MAP3K7CL: variants seen among roughly 807,000 people sequenced by gnomAD.
MAP3K7CL encodes the protein MAP3K7 C-terminal-like protein.
Under a neutral mutation model 18.6 loss-of-function variants are expected in MAP3K7CL, and 16 were observed. The ratio of observed to expected loss-of-function variants is 0.86; its 90% confidence interval spans 0.58 to 1.31. The LOEUF is 1.31. MAP3K7CL is among the 50% of genes most tolerant of loss of function. The pLI, the probability that MAP3K7CL is intolerant of heterozygous loss-of-function variation, is 0.00. For missense variants in MAP3K7CL, 163 were observed against 174.4 expected (o/e 0.93, Z 0.37); for synonymous variants, 65 against 66.8 (o/e 0.97, Z 0.13).
chr21:29,151,473 C>T (rs1425350042), intron 3 of MAP3K7CL, among the ~76,000 whole-genome samples: 1 of 151,622 alleles, frequency 6.6e-6, no homozygotes, highest in Non-Finnish European at 1.5e-5. Context: ...GACTCCGTCT[C>T]AAAAAAATAA....
At position 29,174,849 on chromosome 21, in the gene MAP3K7CL, A is replaced by G. The variant is rs769612484; in HGVS notation, c.386A>G (p.Glu129Gly). Reference sequence around the variant, plus strand: ...CAGTCTCAATGTGTGGAACAACTGGAGAAACTTCGAATACAGTATCAGAAG... The same window carrying G: ...CAGTCTCAATGTGTGGAACAACTGGGGAAACTTCGAATACAGTATCAGAAG... ...LAQSQCVEQL[E>G]KLRIQYQKRQ... Residue 129 changes from glutamate to glycine, a missense_variant, in exon 5 of 5, where the codon GAG (glutamate) becomes GGG (glycine). Coordinates refer to ENST00000399928, the MANE Select transcript of MAP3K7CL (RefSeq NM_001286620.2). The G allele has an allele frequency of 2.5e-6, 4 of 1,614,040 alleles. No individual in the cohort carries two copies. In the Admixed American group the frequency reaches 6.7e-5, roughly 27 times the overall value.
chr21:29,109,158 G>A (rs976940692), intron 4 of MAP3K7CL: 46 of 1,535,266 alleles, frequency 3.0e-5, no homozygotes, highest in Admixed American at 3.9e-5. Flanking sequence ...CTTCCCTAAC[G>A]CCCTTTCCAC....
At chr21:29,093,147 G>T (rs953742851) in intron 4 of MAP3K7CL, among the ~76,000 whole-genome samples, 76 of 152,066 alleles carry the variant, frequency 5.0e-4, no homozygotes, top group Non-Finnish European at 8.4e-4. Flanking sequence ...CAAGTGATCC[G>T]CCCGCCTCGT....
At chr21:29,140,614 T>TGACAACAAATAGCTTCCC (rs1002751897) in intron 2 of MAP3K7CL, among the ~76,000 whole-genome samples, 18 of 152,196 alleles carry the variant, frequency 1.2e-4, no homozygotes, top group Non-Finnish European at 1.9e-4. Flanking sequence ...CAAAGCTTCT[T>TGACAACAAATAGCTTCCC]GACAACAAAT....
At chr21:29,085,744 G>T (rs763971108), upstream of MAP3K7CL, 25 of 962,916 alleles carry the variant, frequency 2.6e-5, no homozygotes, top group Non-Finnish European at 3.8e-5. Context: ...CAACGGCATG[G>T]TTAGTATGTT....
intron 4 of MAP3K7CL, among the ~76,000 whole-genome samples, chr21:29,122,618 C>CT (rs1185995833): frequency 2.6e-4 from 40 of 152,238 alleles, no homozygotes; most frequent in Admixed American, 2.6e-3. Context: ...AGCCGTCCCT[C>CT]TTAAGTTAAG....
chr21:29,156,461 A>G (rs2087407075), intron 3 of MAP3K7CL, among the ~76,000 whole-genome samples: 1 of 152,202 alleles, frequency 6.6e-6, no homozygotes, highest in Non-Finnish European at 1.5e-5. Context: ...AAGCGTACTG[A>G]CACTCCATTT....
At chr21:29,138,298 A>T (rs1448602342) in intron 2 of MAP3K7CL, among the ~76,000 whole-genome samples, 1 of 152,268 alleles carries the variant, frequency 6.6e-6, no homozygotes, top group Non-Finnish European at 1.5e-5. Flanking sequence ...AGCTAATGAT[A>T]TTAATGATAA....
intron 4 of MAP3K7CL, among the ~76,000 whole-genome samples, chr21:29,161,536 G>T (rs891469027): frequency 2.6e-5 from 4 of 151,896 alleles, no homozygotes; most frequent in African/African-American, 9.7e-5. Context: ...GGTTATTAAT[G>T]ATTATTATTT....
intron 3 of MAP3K7CL, chr21:29,092,395 A>G (rs745663763): frequency 7.9e-5 from 128 of 1,610,588 alleles, no homozygotes; most frequent in Non-Finnish European, 1.1e-4. Flanking sequence ...GTGCGGGGTC[A>G]TTTGTCTCAT....
chr21:29,163,953 C>T (rs1441259147), intron 4 of MAP3K7CL, among the ~76,000 whole-genome samples: 1 of 151,826 alleles, frequency 6.6e-6, no homozygotes, highest in Non-Finnish European at 1.5e-5. Flanking sequence ...CCACGTCAGC[C>T]GCCCAAAGTG....
At chr21:29,145,663 C>T (rs1206843279) in intron 2 of MAP3K7CL, 1 of 152,224 alleles carries the variant, frequency 6.6e-6, no homozygotes. Context: ...CCAGCTAAAC[C>T]AGATGGCATC....
At chr21:29,087,961 A>G (rs1003220293) in intron 1 of MAP3K7CL, among the ~76,000 whole-genome samples, 16 of 152,178 alleles carry the variant, frequency 1.1e-4, no homozygotes, top group Admixed American at 9.8e-4. Context: ...CTGGAATCAC[A>G]TAAAGATTAT....
chr21:29,136,084 G>A (rs1236333158), intron 2 of MAP3K7CL, among the ~76,000 whole-genome samples: 2 of 152,018 alleles, frequency 1.3e-5, no homozygotes, highest in Non-Finnish European at 1.5e-5. Flanking sequence ...CATTATTGTT[G>A]TAAGAAGAAA....
rs75393490 is a variant in MAP3K7CL, at chr21:29,169,496, C to T, written c.249-5216C>T. On this transcript the variant is annotated intron_variant, in intron 4 of 4. Coordinates refer to ENST00000399928, the MANE Select transcript of MAP3K7CL (RefSeq NM_001286620.2). ...ACATAAGTCTCTCAAGATCCACCAA[C>T]AATACAGTCTAAATCCCTATTTAAA... is the stretch of plus-strand genomic sequence containing the variant. Among the ~76,000 whole-genome samples, 56 of 152,288 alleles carry T rather than the reference C, an allele frequency of 3.7e-4. 2 individuals are homozygous for T. The East Asian group carries it at 0.01, about 27-fold the overall frequency.
rs530286812 is a variant in MAP3K7CL at position 29,125,295 on chromosome 21, A to G, written c.371-23894A>G. 5.6e-4 allele frequency among the ~76,000 whole-genome samples: 86 copies of G among 152,364 alleles called. 1 individual carries two copies. The highest frequency in any genetic ancestry group is 1.9e-3 in the African/African-American group (79 of 41,588). On this transcript the variant is annotated intron_variant, in intron 4 of 6. Transcript: ENST00000286791. ...TTAAGTAATTTAACCAAAGTCCTAC[A>G]TGAGTAAGAGACAGAGCTGGGTTGG...
rs912996543 is a variant in MAP3K7CL at position 29,108,909 on chromosome 21, T to C, written c.370+16328T>C. On this transcript the variant is annotated intron_variant, in intron 4 of 6. Transcript: ENST00000286791. ...TGCAGTGTTCAGTCAGCTCCAATGGTGTGAAAATTAGTCAAAATGAGAAAT... is the reference window on the plus strand; with the variant it reads ...TGCAGTGTTCAGTCAGCTCCAATGGCGTGAAAATTAGTCAAAATGAGAAAT... 67 of 771,786 alleles carry C rather than the reference T, an allele frequency of 8.7e-5. No homozygotes were observed. The East Asian group carries it at 1.9e-3, about 22-fold the overall frequency. The allele number at this position is 771,786 out of a possible 1,614,324, so 47.8% of individuals were successfully genotyped here. A position where few individuals can be genotyped will look rare whatever the true frequency, so the allele number is the denominator to read the frequency against.
At chr21:29,103,190 A>G (rs1042545858) in intron 4 of MAP3K7CL, among the ~76,000 whole-genome samples, 1 of 152,224 alleles carries the variant, frequency 6.6e-6, no homozygotes, top group Non-Finnish European at 1.5e-5. Context: ...TGGTTTATAT[A>G]GTGTCTATGG....
At position 29,135,618 on chromosome 21, in the gene MAP3K7CL, GA is replaced by G. The variant is rs370922267; in HGVS notation, c.70+2207del. ...GGTTTGCCTGAATAACCTCTTTCTT[GA>G]AATACAGGATGTACAACTTGCAATT... On this transcript the variant is annotated intron_variant, in intron 2 of 4. Coordinates refer to ENST00000399928, the MANE Select transcript of MAP3K7CL (RefSeq NM_001286620.2). Among the ~76,000 whole-genome samples, 126 of 152,250 alleles carry G rather than the reference GA, an allele frequency of 8.3e-4. 1 individual carries two copies. The highest frequency in any genetic ancestry group is 2.7e-3 in the African/African-American group (114 of 41,542).
Sources: gnomAD v4.1 joint callset for allele counts (sites outside exome capture counted in the v4.1 genomes callset) on GRCh38, gnomAD v4.1.1 for gene constraint, MANE v1.5 for transcripts, NCBI Gene and HGNC (gene_info 2026-07-23, HGNC 2026-07-21) for gene names.